The following TRIO variants were observed in gnomAD, a reference collection of about 807,000 sequenced individuals.
The protein encoded by TRIO is trio Rho guanine nucleotide exchange factor, also known as triple functional domain protein.
TRIO carries 58 observed loss-of-function variants against 351.9 expected under a neutral mutation model. The observed-to-expected ratio is 0.16, with a 90% CI of 0.13 to 0.21. The LOEUF is 0.21. Ranked by LOEUF, TRIO falls within the 10% of genes least tolerant of loss-of-function variation. The pLI is 1.00. For synonymous variants in TRIO, 1,758 were observed against 1,595.7 expected, an observed-to-expected ratio of 1.10 and a Z score of -2.42; for missense variants, 3,201 against 4,027.8, an observed-to-expected ratio of 0.79 and a Z score of 5.56.
chr5:14,436,652 GGGTA>G (rs1751613149), intron 34 of TRIO, among the ~76,000 whole-genome samples: 2 of 152,196 alleles, frequency 1.3e-5, no homozygotes, highest in African/African-American at 4.8e-5. Flanking sequence ...TATAGATATT[GGGTA>G]AATACAGCCA....
chr5:14,429,599 C>T (rs1750924980), intron 34 of TRIO, among the ~76,000 whole-genome samples: 1 of 152,144 alleles, frequency 6.6e-6, no homozygotes, highest in Admixed American at 6.5e-5. Context: ...TTTACATACA[C>T]GTTCACACAC....
intron 1 of TRIO, among the ~76,000 whole-genome samples, chr5:14,219,972 G>A (rs1003656143): frequency 1.6e-5 from 2 of 125,124 alleles, no homozygotes; most frequent in Non-Finnish European, 1.8e-5. Flanking sequence ...TCATGTACAG[G>A]CATTTTTTTT....
chr5:14,294,765 T>C (rs183055993), intron 6 of TRIO, among the ~76,000 whole-genome samples: 3 of 152,314 alleles, frequency 2.0e-5, no homozygotes, highest in Admixed American at 1.3e-4. Context: ...AATACCTGCC[T>C]TCCATGGTAT....
At chr5:14,186,612 G>A (rs1313927556) in intron 1 of TRIO, among the ~76,000 whole-genome samples, 3 of 151,702 alleles carry the variant, frequency 2.0e-5, no homozygotes, top group Non-Finnish European at 4.4e-5. Context: ...TAGTCTCACT[G>A]TGTTGCCCAG....
intron 48 of TRIO, chr5:14,488,550 T>G (rs1756225384): frequency 9.5e-6 from 5 of 526,098 alleles, no homozygotes; most frequent in Admixed American, 3.5e-5. Context: ...CTTGGAACTT[T>G]CTTTTTTAAC....
chr5:14,318,921 C>T lies in TRIO; in HGVS notation c.1731+2178C>T, dbSNP rs954295049. On this transcript the variant is annotated intron_variant, in intron 9 of 56. Transcript: ENST00000344204. ...GCAGCAGCAGCAAGGGCACCCCCTC[C>T]TTTCCCCCCACACCCCATTTCTCAT... is the stretch of plus-strand genomic sequence containing the variant. 3.9e-5 allele frequency among the ~76,000 whole-genome samples: 6 copies of T among 152,320 alleles called. No individual in the cohort carries two copies. In the East Asian group the frequency reaches 1.2e-3, roughly 29 times the overall value.
chr5:14,259,874 G>A (rs1214148612), intron 1 of TRIO, among the ~76,000 whole-genome samples: 1 of 151,970 alleles, frequency 6.6e-6, no homozygotes, highest in African/African-American at 2.4e-5. Flanking sequence ...GCCTCTGCAG[G>A]TCAATAAACA....
intron 35 of TRIO, among the ~76,000 whole-genome samples, chr5:14,461,980 A>G (rs1753853379): frequency 6.6e-6 from 1 of 152,190 alleles, no homozygotes; most frequent in African/African-American, 2.4e-5. Context: ...AAGAAACAGA[A>G]TTCCTTCAGG....
rs1024015627 is a variant in TRIO, at chr5:14,504,851, C to T, written c.8612+258C>T. 6.7e-4 allele frequency among the ~76,000 whole-genome samples: 98 copies of T among 145,794 alleles called. 1 individual carries two copies. Among genetic ancestry groups the T allele is most frequent in the Admixed American group, 5.8e-3 (86 of 14,770 alleles). ...GAACACCTGATATGCTCAGCCAACC[C>T]GGAGATGCACCCCCCCCACCCCTTT... is the stretch of plus-strand genomic sequence containing the variant. On this transcript the variant is annotated intron_variant, in intron 55 of 56. Coordinates refer to ENST00000344204, the MANE Select transcript of TRIO (RefSeq NM_007118.4).
intron 8 of TRIO, among the ~76,000 whole-genome samples, chr5:14,309,486 T>C (rs1010627884): frequency 4.6e-5 from 7 of 152,184 alleles, no homozygotes; most frequent in Non-Finnish European, 1.0e-4. Flanking sequence ...TGCTTTTGTT[T>C]TGTAAGTGAT....
intron 1 of TRIO, among the ~76,000 whole-genome samples, chr5:14,192,494 G>A (rs1790519345): frequency 6.6e-6 from 1 of 151,956 alleles, no homozygotes; most frequent in Non-Finnish European, 1.5e-5. Flanking sequence ...GGTTGGTCTC[G>A]AGTCCCTGGG....
chr5:14,246,191 T>G (rs541919592), intron 1 of TRIO, among the ~76,000 whole-genome samples: 4 of 152,342 alleles, frequency 2.6e-5, no homozygotes, highest in Admixed American at 2.6e-4. Context: ...AAATAATGCC[T>G]TTTAAAGATA....
chr5:14,257,581 C>T (rs1213712921), intron 1 of TRIO, among the ~76,000 whole-genome samples: 1 of 151,982 alleles, frequency 6.6e-6, no homozygotes, highest in African/African-American at 2.4e-5. Context: ...GGAAGGGGGA[C>T]AGACGGGGCG....
rs768885843 is a variant in TRIO at position 14,504,381 on chromosome 5, CAT to C, written c.8412-9_8412-8del. 1.2e-6 allele frequency: 2 copies of C among 1,613,854 alleles called. No individual in the cohort carries two copies. Among genetic ancestry groups the C allele is most frequent in the Non-Finnish European group, 8.5e-7 (1 of 1,179,856 alleles). On this transcript the variant is annotated splice_polypyrimidine_tract_variant and intron_variant, in intron 54 of 56. Coordinates refer to ENST00000344204, the MANE Select transcript of TRIO (RefSeq NM_007118.4). ...CAGCCTCTGCAAATGGTCCCCCTGA[CAT>C]ATTTTACAGGGGCAGATTCTCTGTC... is the stretch of plus-strand genomic sequence containing the variant.
rs1756952476 is a variant in TRIO, at chr5:14,497,106, G to A, written c.8019+89G>A. 6.5e-6 allele frequency: 10 copies of A among 1,533,490 alleles called. No homozygotes were observed. In the South Asian group the frequency reaches 1.0e-4, roughly 16 times the overall value. 95.0% of individuals were successfully genotyped at this position (1,533,490 alleles called of 1,614,324 possible). A position where few individuals can be genotyped will look rare whatever the true frequency, so the allele number is the denominator to read the frequency against. ...AGAGACTCTGCAGACCTGAAGCTGG[G>A]CTTGCTTATGACCTCCCTCCCACCC... On this transcript the variant is annotated intron_variant, in intron 50 of 56. Transcript: ENST00000344204. This position sits in a 1 kb window ranked among gnomAD's most constrained non-coding sequence, Gnocchi z 4.4.
At chr5:14,258,912 G>T (rs1474590832) in intron 1 of TRIO, among the ~76,000 whole-genome samples, 2 of 152,226 alleles carry the variant, frequency 1.3e-5, no homozygotes, top group African/African-American at 4.8e-5. Flanking sequence ...CTGCAGTCCT[G>T]CTGGGTGGTG....
At position 14,419,759 on chromosome 5, in the gene TRIO, C is replaced by T. The variant is rs773308432; in HGVS notation, c.4960-19C>T. The T allele has an allele frequency of 1.4e-5, 23 of 1,613,284 alleles. No homozygotes were observed. The highest frequency in any genetic ancestry group is 6.6e-5 in the South Asian group (6 of 90,944). ...GCTCACACTGGCTGACCTGTCCTCT[C>T]TTCCTCTGTTCCCCCCAGCTCTCTG... On this transcript the variant is annotated intron_variant, in intron 33 of 56. Coordinates refer to ENST00000344204, the MANE Select transcript of TRIO (RefSeq NM_007118.4).
rs577632240 is a variant in TRIO at position 14,475,209 on chromosome 5, A to G, written c.6083+1112A>G. 5.9e-5 allele frequency among the ~76,000 whole-genome samples: 9 copies of G among 152,202 alleles called. No homozygotes were observed. The East Asian group carries it at 1.5e-3, about 26-fold the overall frequency. On this transcript the variant is annotated intron_variant, in intron 40 of 56. Coordinates refer to ENST00000344204, the MANE Select transcript of TRIO (RefSeq NM_007118.4). ...GCTTAATGCTGGCCACTGGTCTTCCAGTGGAATGTTCCAGATGCACTGTCT... is the reference window on the plus strand; with the variant it reads ...GCTTAATGCTGGCCACTGGTCTTCCGGTGGAATGTTCCAGATGCACTGTCT...
In TRIO at chr5:14,412,276, C is replaced by T. The variant is rs957857841; in HGVS notation, c.4959+5604C>T. On this transcript the variant is annotated intron_variant, in intron 33 of 56. Coordinates refer to ENST00000344204, the MANE Select transcript of TRIO (RefSeq NM_007118.4). ...GTGCTAGGATTACAGGCGTGAGCCA[C>T]CATGCCCGGCCACGGTTCCGTGTAT... 7.2e-5 allele frequency among the ~76,000 whole-genome samples: 11 copies of T among 152,206 alleles called. No individual in the cohort carries two copies. The East Asian group carries it at 1.9e-3, about 27-fold the overall frequency.
Sources: allele counts gnomAD v4.1 joint callset (sites outside exome capture counted in the v4.1 genomes callset), GRCh38; gene constraint gnomAD v4.1.1; non-coding constraint Gnocchi (gnomAD v3.1); transcripts MANE v1.5; gene names NCBI Gene and HGNC (gene_info 2026-07-23, HGNC 2026-07-21).